The following R3HDM1 variants were observed in gnomAD, a reference collection of about 807,000 sequenced individuals.
R3HDM1 encodes the protein R3H domain containing 1.
R3HDM1 carries 46 observed loss-of-function variants against 141.1 expected under a neutral mutation model. The observed-to-expected ratio is 0.33, with a 90% CI of 0.26 to 0.42. The LOEUF (loss-of-function observed/expected upper bound fraction) is 0.42. R3HDM1 is among the 10% of genes least tolerant of loss of function. The probability of loss-of-function intolerance (pLI) is 1.00; values close to 1 mark genes in which losing one functional copy is unlikely to be tolerated. For missense variants in R3HDM1, 1,184 were observed against 1,368.3 expected (o/e 0.87, Z 2.12); for synonymous variants, 435 against 472.9 (o/e 0.92, Z 1.04).
chr2:135,717,471 T>A (rs762886179), intron 24 of R3HDM1, among the ~76,000 whole-genome samples: 9 of 151,486 alleles, frequency 5.9e-5, no homozygotes, highest in Non-Finnish European at 1.2e-4. Context: ...GCAACAAGAT[T>A]GACACTGCAT....
chr2:135,540,165 G>A (rs113180373), intron 1 of R3HDM1, among the ~76,000 whole-genome samples: 4 of 152,226 alleles, frequency 2.6e-5, no homozygotes, highest in East Asian at 3.9e-4. Context: ...TTGCTCATCC[G>A]TAATCATGAA....
intron 23 of R3HDM1, among the ~76,000 whole-genome samples, chr2:135,714,176 C>T (rs1340145327): frequency 1.3e-5 from 2 of 152,050 alleles, no homozygotes; most frequent in African/African-American, 4.8e-5. Context: ...CTGATAGGCA[C>T]CATGTTAACA....
intron 1 of R3HDM1, chr2:135,550,193 GTTGA>G: frequency 1.0e-6 from 1 of 985,084 alleles, no homozygotes; most frequent in Non-Finnish European, 1.2e-6. Context: ...TTTTGTGAGT[GTTGA>G]TTTTCTTTTT....
intron 1 of R3HDM1, among the ~76,000 whole-genome samples, chr2:135,533,548 A>G (rs1295774952): frequency 6.6e-6 from 1 of 152,236 alleles, no homozygotes; most frequent in Non-Finnish European, 1.5e-5. Context: ...AATGAGGATG[A>G]TAATGCTTAA....
intron 14 of R3HDM1, 140 bp from the exon 15 acceptor site, chr2:135,641,396 G>A (rs906494699): frequency 2.1e-5 from 21 of 986,536 alleles, no homozygotes; most frequent in South Asian, 1.4e-4. Flanking sequence ...GTAAGCAAAC[G>A]TGGACAGTAA....
chr2:135,568,438 C>T (rs1230887711), intron 1 of R3HDM1, among the ~76,000 whole-genome samples: 1 of 151,994 alleles, frequency 6.6e-6, no homozygotes, highest in Non-Finnish European at 1.5e-5. Flanking sequence ...CATCCTCCAC[C>T]TCGCAGGTTC....
intron 17 of R3HDM1, 129 bp downstream of exon 17, chr2:135,650,132 CA>C: frequency 1.0e-6 from 1 of 991,856 alleles, no homozygotes; most frequent in Non-Finnish European, 1.2e-6. Context: ...TGTATCTAAA[CA>C]AAGTATTTCT....
Position 135,621,499 on chromosome 2 carries a change from A to G in R3HDM1, c.309A>G (p.Lys103=). Residue 103 remains lysine, a synonymous_variant, in exon 6 of 27, where the codon AAA becomes AAG. Transcript: ENST00000683871. Reference sequence around the variant, plus strand: ...TTGACTTTGCCTTCCAACAGGAGAAAATTCAGATCCAGTTAACACAATCAT... The same window carrying G: ...TTGACTTTGCCTTCCAACAGGAGAAGATTCAGATCCAGTTAACACAATCAT... ...APEISQENQE[K]IQIQLTQSFE... The G allele has an allele frequency of 6.4e-7, 1 of 1,560,722 alleles. No homozygotes were observed. The highest frequency in any genetic ancestry group is 1.3e-5 in the South Asian group (1 of 79,738).
intron 1 of R3HDM1, among the ~76,000 whole-genome samples, chr2:135,541,994 T>C (rs1559087878): frequency 6.6e-6 from 1 of 152,206 alleles, no homozygotes; most frequent in African/African-American, 2.4e-5. Flanking sequence ...GAAATATCTT[T>C]GGGATGAGAC....
intron 21 of R3HDM1, 69 bp from the exon 22 acceptor site, chr2:135,709,364 G>T: frequency 3.1e-6 from 5 of 1,591,532 alleles, no homozygotes; most frequent in Non-Finnish European, 4.3e-6. Flanking sequence ...TGAGCACCGC[G>T]CCCAGCCCAT....
At chr2:135,575,152 G>T (rs1705100255) in intron 1 of R3HDM1, among the ~76,000 whole-genome samples, 1 of 152,192 alleles carries the variant, frequency 6.6e-6, no homozygotes, top group African/African-American at 2.4e-5. Context: ...GATTAAGGGT[G>T]CAATGAAAAT....
intron 21 of R3HDM1, among the ~76,000 whole-genome samples, chr2:135,703,079 G>A (rs1343525115): frequency 6.6e-6 from 1 of 152,162 alleles, no homozygotes; most frequent in Non-Finnish European, 1.5e-5. Flanking sequence ...AGACATCTTT[G>A]TGGTGAATTG....
At position 135,531,505 on chromosome 2, in the gene R3HDM1, G is replaced by A. The variant is rs1270064388; in HGVS notation, c.-378G>A. 13 of 985,746 alleles carry A rather than the reference G, an allele frequency of 1.3e-5. No individual in the cohort carries two copies. The highest frequency in any genetic ancestry group is 1.6e-5 in the Non-Finnish European group (13 of 829,956). The allele number at this position is 985,746 out of a possible 1,614,324, so 61.1% of individuals were successfully genotyped here. ...CGGGATTCTGCCAGCCGCGGCTGCC[G>A]CTGGAGCCGGTGTCCGGGCTGGTGA... is the stretch of plus-strand genomic sequence containing the variant. On this transcript the variant is annotated 5_prime_UTR_variant, in exon 1 of 27. Coordinates refer to ENST00000683871, the MANE Select transcript of R3HDM1 (RefSeq NM_001378107.1).
chr2:135,600,975 G>C (rs1173704160), intron 1 of R3HDM1, among the ~76,000 whole-genome samples: 2 of 152,070 alleles, frequency 1.3e-5, no homozygotes, highest in African/African-American at 2.4e-5. Flanking sequence ...GCCTTATCTA[G>C]TACCTTATTT....
chr2:135,646,755 A>G (rs1306725336), intron 16 of R3HDM1, among the ~76,000 whole-genome samples: 3 of 151,654 alleles, frequency 2.0e-5, no homozygotes, highest in Non-Finnish European at 4.4e-5. Context: ...AGGCTGAGGC[A>G]GGAGAATCAC....
At chr2:135,711,648 G>A (rs1204555942) in intron 23 of R3HDM1, among the ~76,000 whole-genome samples, 1 of 118,764 alleles carries the variant, frequency 8.4e-6, no homozygotes, top group Non-Finnish European at 1.7e-5. Flanking sequence ...AACAGAGGGA[G>A]ACCCCAACTC....
At chr2:135,679,129 T>G (rs979650941) in intron 20 of R3HDM1, among the ~76,000 whole-genome samples, 6 of 148,590 alleles carry the variant, frequency 4.0e-5, no homozygotes, top group Non-Finnish European at 7.4e-5. Context: ...GAATATACAT[T>G]GGCTTTATTT....
intron 1 of R3HDM1, among the ~76,000 whole-genome samples, chr2:135,569,201 A>G (rs1703490394): frequency 6.6e-6 from 1 of 152,094 alleles, no homozygotes; most frequent in Non-Finnish European, 1.5e-5. Context: ...TTTCGCAATT[A>G]CTGCCAGGCA....
chr2:135,715,812 C>A, intron 24 of R3HDM1, 118 bp downstream of exon 24: 1 of 1,240,886 alleles, frequency 8.1e-7, no homozygotes, highest in Non-Finnish European at 1.1e-6. Context: ...GCATCTTCAC[C>A]TACACTCAGG....
Sources: allele counts gnomAD v4.1 joint callset (sites outside exome capture counted in the v4.1 genomes callset), GRCh38; gene constraint gnomAD v4.1.1; transcripts MANE v1.5; gene names NCBI Gene and HGNC (gene_info 2026-07-23, HGNC 2026-07-21).